SERPINB12: variants seen among roughly 807,000 people sequenced by gnomAD.
The protein encoded by SERPINB12 is serpin family B member 12, also known as serpin B12.
In SERPINB12, 57 loss-of-function variants were observed where a neutral mutation model predicts 41.1. The ratio of observed to expected loss-of-function variants is 1.39; its 90% CI spans 1.12 to 1.73. The LOEUF (loss-of-function observed/expected upper bound fraction) is 1.73, where lower values mean the gene tolerates loss of function less well. Ranked by LOEUF, SERPINB12 falls within the 40% of genes most tolerant of loss-of-function variation. SERPINB12 has a pLI of 0.00. For missense variants in SERPINB12, 536 were observed against 501.9 expected, an observed-to-expected ratio of 1.07 and a Z score of -0.65; for synonymous variants, 180 against 181.3, an observed-to-expected ratio of 0.99 and a Z score of 0.06.
Position 63,559,583 on chromosome 18 carries a change from G to T in SERPINB12, c.309G>T (p.Gly103=). Residue 103 remains glycine (G), a synonymous_variant, in exon 4 of 8, where the codon GGG becomes GGT. Transcript: ENST00000382768. ...TTTGTTTCTTCTTTCCTTAGGCTGG[G>T]TCCTTAAACAATGAGAGCGGACTGG... ...KTTEPLDQQA[G]SLNNESGLVS... 1.2e-6 allele frequency: 2 copies of T among 1,613,976 alleles called. No individual in the cohort carries two copies. Among genetic ancestry groups the T allele is most frequent in the Non-Finnish European group, 1.7e-6 (2 of 1,179,942 alleles).
chr18:63,520,394 G>A, the SERPINB12 span, among the ~76,000 whole-genome samples: 3 of 152,346 alleles, frequency 2.0e-5, no homozygotes, highest in East Asian at 5.8e-4. Context: ...AAAGGGCAAG[G>A]TGTGTTTGGG....
In SERPINB12 at chr18:63,568,102, G is replaced by T. The variant is rs1234171341; in HGVS notation, c.*1091G>T. Among the ~76,000 whole-genome samples, 1 of 152,348 alleles carries T rather than the reference G, an allele frequency of 6.6e-6. No individual in the cohort carries two copies. Among genetic ancestry groups the T allele is most frequent in the East Asian group, 1.9e-4 (1 of 5,186 alleles). ...TGTCCATAGCAATGCTTGTTGGCTG[G>T]GCATGATGGCTCATGCCTGCAATCC... is the stretch of plus-strand genomic sequence containing the variant. On this transcript the variant is annotated 3_prime_UTR_variant, in exon 8 of 8. Transcript: ENST00000382768.
chr18:63,566,230 GTT>G (rs1445066270), intron 7 of SERPINB12, among the ~76,000 whole-genome samples: 2 of 152,190 alleles, frequency 1.3e-5, no homozygotes, highest in African/African-American at 4.8e-5. Flanking sequence ...ACTGTGTTAA[GTT>G]CTTTATATAC....
chr18:63,564,151 T>G (rs1272702684), intron 6 of SERPINB12, 31 bp downstream of exon 6: 1 of 1,591,204 alleles, frequency 6.3e-7, no homozygotes, highest in South Asian at 1.1e-5. Context: ...GTTTTCTAGC[T>G]AGCCAACTCA....
chr18:63,537,002 A>G, the SERPINB12 span, among the ~76,000 whole-genome samples: 1 of 152,176 alleles, frequency 6.6e-6, no homozygotes, highest in Non-Finnish European at 1.5e-5. Flanking sequence ...GACTAAAAAT[A>G]AAAAGTTAAA....
At chr18:63,552,974 A>G (rs1806952809) in intron 1 of SERPINB12, among the ~76,000 whole-genome samples, 3 of 151,980 alleles carry the variant, frequency 2.0e-5, no homozygotes, top group Non-Finnish European at 4.4e-5. Flanking sequence ...GCAACTGTCC[A>G]GCTGTTTTTT....
chr18:63,566,114 G>C (rs888381303), intron 7 of SERPINB12, among the ~76,000 whole-genome samples: 1 of 152,186 alleles, frequency 6.6e-6, no homozygotes. Flanking sequence ...GGGGTAAAGA[G>C]ATAAAGATAG....
At chr18:63,528,046 C>T in the SERPINB12 span, among the ~76,000 whole-genome samples, 1 of 152,080 alleles carries the variant, frequency 6.6e-6, no homozygotes, top group Non-Finnish European at 1.5e-5. Flanking sequence ...TTCTTCTTGC[C>T]TTCCACCATG....
intron 1 of SERPINB12, 47 bp from the exon 2 acceptor site, chr18:63,556,095 T>A (rs1910662570): frequency 3.6e-6 from 5 of 1,372,574 alleles, no homozygotes; most frequent in Non-Finnish European, 5.1e-6. Context: ...GTTCACTTAT[T>A]TTCTTCCAAT....
chr18:63,551,584 G>A (rs1001412456), intron 1 of SERPINB12, among the ~76,000 whole-genome samples: 1 of 152,154 alleles, frequency 6.6e-6, no homozygotes, highest in African/African-American at 2.4e-5. Flanking sequence ...GATGTGATGT[G>A]AGATCCATGC....
Position 63,556,114 on chromosome 18 carries a change from T to C in SERPINB12, c.-18-28T>C, listed in dbSNP as rs142943076. ...ACTTATTTTCTTCCAATCACCATTT[T>C]CTCTTTCTCCTTTTTTTTTGGTTTT... On this transcript the variant is annotated intron_variant, in intron 1 of 7. Transcript: ENST00000382768. The C allele has an allele frequency of 3.7e-4, 572 of 1,528,616 alleles. 1 individual carries two copies. The African/African-American group carries it at 6.9e-3, about 19-fold the overall frequency. 94.7% of individuals were successfully genotyped at this position (1,528,616 alleles called of 1,614,324 possible).
chr18:63,561,444 T>C (rs1910908138), intron 5 of SERPINB12, among the ~76,000 whole-genome samples: 1 of 152,206 alleles, frequency 6.6e-6, no homozygotes, highest in South Asian at 2.1e-4. Flanking sequence ...TATACACTAT[T>C]GGTGGGAATG....
chr18:63,526,902 G>A, the SERPINB12 span, among the ~76,000 whole-genome samples: 5 of 152,220 alleles, frequency 3.3e-5, no homozygotes, highest in Admixed American at 1.3e-4. Flanking sequence ...AGGCCATATC[G>A]TATTGCCTGT....
chr18:63,568,393 A>G lies in SERPINB12; in HGVS notation c.*1382A>G, dbSNP rs1358164573. On this transcript the variant is annotated 3_prime_UTR_variant, in exon 8 of 8. Transcript: ENST00000382768. Reference sequence around the variant, plus strand: ...GAAACCCTGTCTCAAAAAACAAACAAACAAAAAACCCAAAAAGCCAAAACA... The same window carrying G: ...GAAACCCTGTCTCAAAAAACAAACAGACAAAAAACCCAAAAAGCCAAAACA... Among the ~76,000 whole-genome samples the G allele has an allele frequency of 6.6e-6, 1 of 152,008 alleles. No individual in the cohort carries two copies. The highest frequency in any genetic ancestry group is 2.4e-5 in the African/African-American group (1 of 41,394).
chr18:63,563,909 AAAAAATT>A, intron 5 of SERPINB12, 62 bp from the exon 6 acceptor site: 4 of 1,117,090 alleles, frequency 3.6e-6, no homozygotes, highest in Non-Finnish European at 3.6e-6. Flanking sequence ...AAAAAAAAAA[AAAAAATT>A]ATCTACACAA....
At chr18:63,561,228 CTGGT>C (rs766147256) in intron 5 of SERPINB12, 26 bp downstream of exon 5, 1 of 1,391,270 alleles carries the variant, frequency 7.2e-7, no homozygotes, top group Admixed American at 1.7e-5. Flanking sequence ...AGCACGGGAG[CTGGT>C]ATTGGTTTCC....
chr18:63,525,167 C>T, the SERPINB12 span, among the ~76,000 whole-genome samples: 1 of 152,020 alleles, frequency 6.6e-6, no homozygotes, highest in African/African-American at 2.4e-5. Context: ...TATGTTGTTT[C>T]TATTTCCTTT....
intron 1 of SERPINB12, among the ~76,000 whole-genome samples, chr18:63,544,562 T>A (rs1255265846): frequency 6.6e-6 from 1 of 152,194 alleles, no homozygotes; most frequent in African/African-American, 2.4e-5. Context: ...GCTTTTTCTA[T>A]GTGTTCTTTG....
At chr18:63,535,378 G>A in the SERPINB12 span, among the ~76,000 whole-genome samples, 59 of 152,206 alleles carry the variant, frequency 3.9e-4, no homozygotes, top group East Asian at 9.4e-3. Context: ...TATGCCTCCC[G>A]AGGTGATGCC....
Sources: gnomAD v4.1 joint callset for allele counts (sites outside exome capture counted in the v4.1 genomes callset) on GRCh38, gnomAD v4.1.1 for gene constraint, MANE v1.5 for transcripts, NCBI Gene and HGNC (gene_info 2026-07-23, HGNC 2026-07-21) for gene names.